The following TMEM132E variants were observed in gnomAD, a reference collection of about 807,000 sequenced individuals.
TMEM132E encodes the protein transmembrane protein 132E.
TMEM132E carries 49 observed loss-of-function variants against 78.5 expected under a neutral mutation model. The ratio of observed to expected loss-of-function variants is 0.62; its 90% CI spans 0.50 to 0.79. The LOEUF (loss-of-function observed/expected upper bound fraction) is 0.79, where lower values mean the gene tolerates loss of function less well. Ranked by LOEUF, TMEM132E falls within the 30% of genes least tolerant of loss-of-function variation. The probability of loss-of-function intolerance (pLI) is 0.00; values close to 1 mark genes in which losing one functional copy is unlikely to be tolerated. For missense variants in TMEM132E, 1,403 were observed against 1,470.9 expected (o/e 0.95, Z 0.75); for synonymous variants, 715 against 670.6 (o/e 1.07, Z -1.02).
intron 2 of TMEM132E, among the ~76,000 whole-genome samples, chr17:34,627,650 A>G (rs1167829690): frequency 6.6e-6 from 1 of 152,124 alleles, no homozygotes; most frequent in Non-Finnish European, 1.5e-5. Flanking sequence ...AAAAATGATA[A>G]TATTTCACAC....
intron 1 of TMEM132E, among the ~76,000 whole-genome samples, chr17:34,608,106 C>G (rs1015572035): frequency 5.3e-5 from 8 of 152,154 alleles, no homozygotes; most frequent in Non-Finnish European, 7.3e-5. Flanking sequence ...CCCTGGCAAC[C>G]AGCTACAACC....
chr17:34,599,304 C>T (rs1906156859), intron 1 of TMEM132E, among the ~76,000 whole-genome samples: 1 of 152,228 alleles, frequency 6.6e-6, no homozygotes, highest in Non-Finnish European at 1.5e-5. Flanking sequence ...CACCCCACCA[C>T]GGGGCACCTG....
rs1907572753 is a variant in TMEM132E, at chr17:34,637,613, A to C, written c.2606A>C (p.Asp869Ala). Residue 869 changes from aspartate to alanine, a missense_variant, in exon 9 of 9, where the codon GAC (aspartate) becomes GCC (alanine). By Grantham distance (126) the Asp-to-Ala change is moderately radical. Around this residue, in one of 3 missense-constraint regions of TMEM132E, gnomAD observed 888 missense variants for 952.8 expected, o/e 0.93. Coordinates refer to ENST00000631683, the MANE Select transcript of TMEM132E (RefSeq NM_001304438.2). ...AGCCCCGTCGTGCCACCCACAGAAG[A>C]CTTCCTGCCGCTGCCCACCGGCTTC... ...TASPVVPPTE[D>A]FLPLPTGFLQ... The C allele has an allele frequency of 6.2e-7, 1 of 1,602,936 alleles. No homozygotes were observed. The highest frequency in any genetic ancestry group is 1.3e-5 in the African/African-American group (1 of 74,804).
chr17:34,609,751 C>A (rs945937702), intron 1 of TMEM132E, among the ~76,000 whole-genome samples: 4 of 152,190 alleles, frequency 2.6e-5, no homozygotes, highest in African/African-American at 9.7e-5. Flanking sequence ...TGTGAAAAAT[C>A]ATGACAATAA....
At chr17:34,606,218 G>A (rs1906409419) in intron 1 of TMEM132E, among the ~76,000 whole-genome samples, 1 of 151,036 alleles carries the variant, frequency 6.6e-6, no homozygotes. Flanking sequence ...ATGGTGGTGA[G>A]CACCTGTAAT....
intron 1 of TMEM132E, among the ~76,000 whole-genome samples, chr17:34,584,787 G>T (rs1056971905): frequency 2.0e-5 from 3 of 152,232 alleles, no homozygotes; most frequent in Non-Finnish European, 4.4e-5. Flanking sequence ...TGCCCCTTGA[G>T]TGGGCACATA....
At chr17:34,634,080 C>G (rs1907439078) in intron 6 of TMEM132E, among the ~76,000 whole-genome samples, 1 of 152,204 alleles carries the variant, frequency 6.6e-6, no homozygotes, top group Non-Finnish European at 1.5e-5. Context: ...AATGAATATT[C>G]TGGTTGCTTG....
Position 34,604,571 on chromosome 17 carries a change from C to T in TMEM132E, c.68-21556C>T, listed in dbSNP as rs566234007. On this transcript the variant is annotated intron_variant, in intron 1 of 8. Transcript: ENST00000631683. ...CTCATCCTCTCCCTCCACACATGTGCGCACCCTCTGCCCCCTCCCCCAACT... is the reference window on the plus strand; with the variant it reads ...CTCATCCTCTCCCTCCACACATGTGTGCACCCTCTGCCCCCTCCCCCAACT... 3.3e-5 allele frequency among the ~76,000 whole-genome samples: 5 copies of T among 152,122 alleles called. No homozygotes were observed. In the South Asian group the frequency reaches 8.3e-4, roughly 25 times the overall value.
At chr17:34,581,796 G>T (rs1042172674) in intron 1 of TMEM132E, among the ~76,000 whole-genome samples, 1 of 151,890 alleles carries the variant, frequency 6.6e-6, no homozygotes, top group Non-Finnish European at 1.5e-5. Context: ...CGGGCTCCGC[G>T]CTCTCGCATT....
chr17:34,586,342 G>A (rs1905678150), intron 1 of TMEM132E, among the ~76,000 whole-genome samples: 1 of 151,856 alleles, frequency 6.6e-6, no homozygotes, highest in Non-Finnish European at 1.5e-5. Context: ...TTCCTTCTCT[G>A]TCTTCTTAAA....
chr17:34,627,505 T>TGTGTGTGTGTGTG (rs59547151), intron 2 of TMEM132E, among the ~76,000 whole-genome samples: 75 of 148,884 alleles, frequency 5.0e-4, no homozygotes, highest in South Asian at 6.5e-4. Flanking sequence ...TGTGTGTGTG[T>TGTGTGTGTGTGTG]TTTGGGACAT....
rs563400320 is a variant in TMEM132E at position 34,634,186 on chromosome 17, G to A, written c.1689-613G>A. ...CCTGGCAGTAAACCTCTCAATTTTAGCATTTTTTGCAACGTGCACAGGCTG... is the reference window on the plus strand; with the variant it reads ...CCTGGCAGTAAACCTCTCAATTTTAACATTTTTTGCAACGTGCACAGGCTG... On this transcript the variant is annotated intron_variant, in intron 6 of 8. Coordinates refer to ENST00000631683, the MANE Select transcript of TMEM132E (RefSeq NM_001304438.2). Among the ~76,000 whole-genome samples the A allele has an allele frequency of 3.3e-5, 5 of 152,288 alleles. No homozygotes were observed. In the South Asian group the frequency reaches 1.0e-3, roughly 32 times the overall value.
chr17:34,628,782 G>A, intron 3 of TMEM132E, 73 bp downstream of exon 3: 2 of 1,478,718 alleles, frequency 1.4e-6, no homozygotes, highest in East Asian at 4.9e-5. Flanking sequence ...AATCTTTGAA[G>A]GAGGAGGCTA....
chr17:34,613,522 C>T (rs1004599525), intron 1 of TMEM132E, among the ~76,000 whole-genome samples: 5 of 151,876 alleles, frequency 3.3e-5, no homozygotes, highest in African/African-American at 9.7e-5. Flanking sequence ...CTAAGCCCCC[C>T]ACTGCCTCCC....
intron 1 of TMEM132E, among the ~76,000 whole-genome samples, chr17:34,613,207 A>ACTCGCGCGCGCG (rs1245968091): frequency 1.2e-5 from 1 of 82,918 alleles, no homozygotes; most frequent in Non-Finnish European, 2.8e-5. Context: ...CCACACACAC[A>ACTCGCGCGCGCG]CACACGCGCG....
At chr17:34,627,863 T>G (rs1223577570) in intron 2 of TMEM132E, among the ~76,000 whole-genome samples, 1 of 152,232 alleles carries the variant, frequency 6.6e-6, no homozygotes, top group Non-Finnish European at 1.5e-5. Context: ...GATTGATACC[T>G]GAATGTGAAC....
intron 1 of TMEM132E, 104 bp from the exon 2 acceptor site, chr17:34,626,023 T>A: frequency 9.1e-7 from 1 of 1,096,088 alleles, no homozygotes; most frequent in Non-Finnish European, 1.3e-6. Flanking sequence ...CTAGAGGAGT[T>A]GGCAGCCCTC....
At position 34,626,652 on chromosome 17, in the gene TMEM132E, C is replaced by T. The variant is rs1907144587; in HGVS notation, c.593C>T (p.Ala198Val). 4.9e-6 allele frequency: 7 copies of T among 1,429,372 alleles called. No individual in the cohort carries two copies. The highest frequency in any genetic ancestry group is 2.9e-5 in the South Asian group (2 of 67,866). 88.5% of individuals were successfully genotyped at this position (1,429,372 alleles called of 1,614,324 possible). The change falls in exon 2 of 9, where the codon GCC (alanine) becomes GTC (valine). Residue 198 changes from alanine (A) to valine (V), a missense_variant. This residue lies in a region of TMEM132E where 511 missense variants were observed against 499.0 expected (regional missense o/e 1.02). Coordinates refer to ENST00000631683, the MANE Select transcript of TMEM132E (RefSeq NM_001304438.2). ...TCLVRAELPL[A>V]WFGPPAPAAP... ...CTGGTGCGGGCAGAGCTGCCCCTGG[C>T]CTGGTTCGGGCCCCCAGCCCCCGCT...
At chr17:34,586,392 G>T (rs1905679701) in intron 1 of TMEM132E, among the ~76,000 whole-genome samples, 1 of 151,700 alleles carries the variant, frequency 6.6e-6, no homozygotes, top group African/African-American at 2.4e-5. Flanking sequence ...AATTCAGCTG[G>T]CTCTGCCATA....
Sources: gnomAD v4.1 joint callset for allele counts (sites outside exome capture counted in the v4.1 genomes callset) on GRCh38, gnomAD v4.1.1 for gene constraint, gnomAD v4.1.1 regional missense constraint, MANE v1.5 for transcripts, NCBI Gene and HGNC (gene_info 2026-07-23, HGNC 2026-07-21) for gene names.